TRMT9B: variants seen among roughly 807,000 people sequenced by gnomAD.
TRMT9B encodes probable tRNA methyltransferase 9B.
A neutral mutation model predicts 11.5 loss-of-function variants in TRMT9B; 16 were observed. The ratio of observed to expected loss-of-function variants is 1.39; its 90% CI spans 0.94 to 2.11. The LOEUF is 2.11. TRMT9B is among the 30% of genes most tolerant of loss of function. The pLI is 0.00. For synonymous variants in TRMT9B, 274 were observed against 192.4 expected, an observed-to-expected ratio of 1.42 and a Z score of -3.51; for missense variants, 941 against 553.8, an observed-to-expected ratio of 1.70 and a Z score of -7.02.
At chr8:12,977,780 TG>T (rs1334365549) in intron 1 of TRMT9B, among the ~76,000 whole-genome samples, 1 of 151,402 alleles carries the variant, frequency 6.6e-6, no homozygotes, top group Non-Finnish European at 1.5e-5. Context: ...TTTGGGAGGC[TG>T]GGGCAGGAGG....
chr8:12,994,712 G>T (rs553108524), intron 2 of TRMT9B, among the ~76,000 whole-genome samples: 13 of 152,004 alleles, frequency 8.6e-5, no homozygotes, highest in African/African-American at 3.1e-4. Flanking sequence ...ACGGAGTTTC[G>T]CTCCTGTTGC....
chr8:12,980,068 T>C (rs138166963), intron 1 of TRMT9B, among the ~76,000 whole-genome samples: 1 of 152,284 alleles, frequency 6.6e-6, no homozygotes, highest in African/African-American at 2.4e-5. Context: ...CAGGCATCTA[T>C]ATTTGTTTCC....
At chr8:12,955,175 C>T (rs1046953980) in intron 1 of TRMT9B, among the ~76,000 whole-genome samples, 1 of 152,108 alleles carries the variant, frequency 6.6e-6, no homozygotes, top group Non-Finnish European at 1.5e-5. Flanking sequence ...CTAGTATACT[C>T]CTATAGCATA....
intron 1 of TRMT9B, among the ~76,000 whole-genome samples, chr8:12,990,080 G>A (rs773157240): frequency 3.9e-5 from 6 of 152,174 alleles, no homozygotes; most frequent in Non-Finnish European, 2.9e-5. Context: ...CCCTGCCATC[G>A]TGAGAATCAC....
At chr8:13,016,197 T>G in intron 4 of TRMT9B, among the ~76,000 whole-genome samples, 1 of 143,418 alleles carries the variant, frequency 7.0e-6, no homozygotes, top group South Asian at 2.1e-4. Context: ...ATGTGAAATA[T>G]ATATTTATAT....
At chr8:13,016,765 C>T (rs1399517686) in intron 4 of TRMT9B, among the ~76,000 whole-genome samples, 1 of 151,002 alleles carries the variant, frequency 6.6e-6, no homozygotes, top group Non-Finnish European at 1.5e-5. Context: ...TTCCCCCTTT[C>T]CCCAGAGGAC....
rs545384945 is a variant in TRMT9B, at chr8:13,002,753, T to C, written c.-1-3449T>C. ...ATGCTAAAACTGGTGGGTGAGCAAA[T>C]AAGAAACAATATTTGCATAGTCTCA... On this transcript the variant is annotated intron_variant, in intron 2 of 4. Coordinates refer to ENST00000524591, the MANE Select transcript of TRMT9B (RefSeq NM_020844.3). 1.6e-4 allele frequency among the ~76,000 whole-genome samples: 25 copies of C among 152,202 alleles called. No homozygotes were observed. In the South Asian group the frequency reaches 5.0e-3, roughly 30 times the overall value.
intron 4 of TRMT9B, among the ~76,000 whole-genome samples, chr8:13,018,647 C>T (rs1450420694): frequency 6.6e-6 from 1 of 152,088 alleles, no homozygotes; most frequent in Non-Finnish European, 1.5e-5. Flanking sequence ...AGGCATACAG[C>T]GGTTTCTGTG....
At chr8:12,992,207 T>A (rs1722133675) in intron 2 of TRMT9B, among the ~76,000 whole-genome samples, 1 of 152,184 alleles carries the variant, frequency 6.6e-6, no homozygotes, top group African/African-American at 2.4e-5. Flanking sequence ...GATGTACAGA[T>A]GAGACATAGA....
intron 2 of TRMT9B, among the ~76,000 whole-genome samples, chr8:13,003,914 C>G (rs1809928899): frequency 6.6e-6 from 1 of 151,204 alleles, no homozygotes; most frequent in Admixed American, 6.6e-5. Context: ...GTGAGCAAGA[C>G]AGTCTTGATA....
intron 1 of TRMT9B, chr8:12,952,421 G>A: frequency 3.2e-6 from 1 of 307,862 alleles, no homozygotes; most frequent in South Asian, 2.4e-5. Flanking sequence ...CTTGCAAACA[G>A]CCTTGCAATA....
chr8:13,006,343 C>T lies in TRMT9B; in HGVS notation c.141C>T (p.Leu47=), dbSNP rs372995179. The T allele has an allele frequency of 8.1e-6, 13 of 1,599,806 alleles. 1 individual carries two copies. Among genetic ancestry groups the T allele is most frequent in the Middle Eastern group, 3.9e-4 (2 of 5,114 alleles). The part of the protein sequence containing the change: ...QFLQEQKPGS[L]IADIGCGTGK... ...TGCAAGAGCAGAAGCCAGGCAGCCT[C>T]ATCGCTGACATAGGTAACCAGGCAG... Residue 47 remains leucine, a synonymous_variant, in exon 3 of 5, where the codon CTC becomes CTT. Coordinates refer to ENST00000524591, the MANE Select transcript of TRMT9B (RefSeq NM_020844.3).
At chr8:12,984,983 ACACACT>A (rs1563361574) in intron 1 of TRMT9B, among the ~76,000 whole-genome samples, 10 of 130,088 alleles carry the variant, frequency 7.7e-5, no homozygotes, top group South Asian at 2.6e-4. Context: ...ACACACACAC[ACACACT>A]CTCTCTCTCA....
At chr8:12,973,434 G>T (rs775832049) in intron 1 of TRMT9B, among the ~76,000 whole-genome samples, 1 of 152,202 alleles carries the variant, frequency 6.6e-6, no homozygotes, top group Non-Finnish European at 1.5e-5. Context: ...CAGTGGTCTG[G>T]ACCAAGCTAT....
chr8:12,951,809 C>G (rs1800655525), intron 1 of TRMT9B: 1 of 151,844 alleles, frequency 6.6e-6, no homozygotes, highest in East Asian at 1.9e-4. Context: ...GCTTCCCGCG[C>G]GGGGCGCCGG....
intron 2 of TRMT9B, among the ~76,000 whole-genome samples, chr8:12,993,608 G>C (rs993882327): frequency 1.2e-4 from 19 of 152,136 alleles, no homozygotes; most frequent in African/African-American, 4.3e-4. Context: ...GACAGAAAGG[G>C]GGCAAAGGTG....
intron 1 of TRMT9B, among the ~76,000 whole-genome samples, chr8:12,977,774 G>A (rs190343235): frequency 1.2e-3 from 184 of 152,222 alleles, no homozygotes; most frequent in Middle Eastern, 6.8e-3. Flanking sequence ...CAACACTTTG[G>A]GAGGCTGGGG....
At position 13,021,359 on chromosome 8, in the gene TRMT9B, C is replaced by T. The variant is rs761173357; in HGVS notation, c.680C>T (p.Ala227Val). The T allele has an allele frequency of 6.2e-7, 1 of 1,613,974 alleles. No homozygotes were observed. The highest frequency in any genetic ancestry group is 8.5e-7 in the Non-Finnish European group (1 of 1,179,876). The change falls in exon 5 of 5, where the codon GCA becomes GTA. Residue 227 changes from alanine (A) to valine (V), a missense_variant. Ala to Val is a moderately conservative substitution (Grantham distance 64). Transcript: ENST00000524591. Reference sequence around the variant, plus strand: ...CCTGCTATGGCAAGAACCTGTTTTGCAAATATTTCTAAGGAAGGCGAGGAA... The same window carrying T: ...CCTGCTATGGCAAGAACCTGTTTTGTAAATATTTCTAAGGAAGGCGAGGAA... The part of the protein sequence containing the change: ...YEPAMARTCF[A>V]NISKEGEEEY...
intron 4 of TRMT9B, among the ~76,000 whole-genome samples, chr8:13,014,954 G>A (rs981012340): frequency 6.6e-6 from 1 of 151,840 alleles, no homozygotes; most frequent in Non-Finnish European, 1.5e-5. Flanking sequence ...CCACTACTTG[G>A]GAAGCTGAGG....
Sources: gnomAD v4.1 joint callset for allele counts (sites outside exome capture counted in the v4.1 genomes callset) on GRCh38, gnomAD v4.1.1 for gene constraint, MANE v1.5 for transcripts, NCBI Gene and HGNC (gene_info 2026-07-23, HGNC 2026-07-21) for gene names.